The following LMBRD2 variants were observed in gnomAD, a reference collection of about 807,000 sequenced individuals.
LMBRD2 encodes the protein LMBR1 domain containing 2.
A neutral mutation model predicts 94.4 loss-of-function variants in LMBRD2; 55 were observed. The ratio of observed to expected loss-of-function variants is 0.58; its 90% CI spans 0.47 to 0.73. The LOEUF (loss-of-function observed/expected upper bound fraction) is 0.73. Ranked by LOEUF, LMBRD2 falls within the 30% of genes least tolerant of loss-of-function variation. The probability of loss-of-function intolerance (pLI) is 0.00; values close to 1 mark genes in which losing one functional copy is unlikely to be tolerated. For synonymous variants in LMBRD2, 246 were observed against 272.4 expected, an observed-to-expected ratio of 0.90 and a Z score of 0.95; for missense variants, 640 against 831.9, an observed-to-expected ratio of 0.77 and a Z score of 2.84.
chr5:36,137,039 A>G (rs1744288195), intron 5 of LMBRD2, among the ~76,000 whole-genome samples: 1 of 152,170 alleles, frequency 6.6e-6, no homozygotes, highest in African/African-American at 2.4e-5. Context: ...TACTTTTAAT[A>G]TATAGCCATT....
At chr5:36,139,250 A>C (rs1744345534) in intron 4 of LMBRD2, among the ~76,000 whole-genome samples, 1 of 152,220 alleles carries the variant, frequency 6.6e-6, no homozygotes, top group African/African-American at 2.4e-5. Flanking sequence ...ACACATGCTC[A>C]GGGCAGCACT....
intron 13 of LMBRD2, among the ~76,000 whole-genome samples, chr5:36,112,577 T>C (rs1743637676): frequency 6.6e-6 from 1 of 152,166 alleles, no homozygotes; most frequent in Non-Finnish European, 1.5e-5. Context: ...AATCCGAAAA[T>C]TAAGGAATAC....
In LMBRD2 at chr5:36,151,461, A is replaced by G. The variant is rs188648262; in HGVS notation, c.-58+95T>C. The G allele has an allele frequency of 4.3e-3, 658 of 152,256 alleles. 3 individuals carry two copies. The highest frequency in any genetic ancestry group is 6.6e-3 in the Non-Finnish European group (452 of 68,054). The allele number at this position is 152,256 out of a possible 1,614,324, so 9.4% of individuals were successfully genotyped here. ...GATAAAGGAAGGATCCCGTCCACAG[A>G]CCCAATTCTTAGGGCCGCCTTCTCC... On this transcript the variant is annotated intron_variant, in intron 1 of 17. Transcript: ENST00000296603. This position sits in a 1 kb window ranked among gnomAD's most constrained non-coding sequence, Gnocchi z 4.7.
At chr5:36,106,507 TCG>T (rs1491441423) in intron 16 of LMBRD2, among the ~76,000 whole-genome samples, 21 of 125,262 alleles carry the variant, frequency 1.7e-4, no homozygotes, top group South Asian at 2.6e-4. Flanking sequence ...TTTTTTTCTT[TCG>T]TTTTTTTTTT....
rs116720542 is a variant in LMBRD2 at position 36,130,245 on chromosome 5, T to C, written c.748-5980A>G. Among the ~76,000 whole-genome samples, 5 of 152,134 alleles carry C rather than the reference T, an allele frequency of 3.3e-5. No individual in the cohort carries two copies. In the South Asian group the frequency reaches 6.2e-4, roughly 19 times the overall value. On this transcript the variant is annotated intron_variant, in intron 6 of 17. Transcript: ENST00000296603. ...ACAACTTTTTAAGACACAGATAGTA[T>C]AATAATACATAAATAGAAATAACAA...
At chr5:36,119,032 A>T (rs1581048376) in intron 9 of LMBRD2, among the ~76,000 whole-genome samples, 1 of 152,274 alleles carries the variant, frequency 6.6e-6, no homozygotes, top group East Asian at 1.9e-4. Context: ...ATAAATAAAA[A>T]TTTAAAAAAG....
At chr5:36,107,164 A>C (rs1196003298) in intron 16 of LMBRD2, among the ~76,000 whole-genome samples, 1 of 152,140 alleles carries the variant, frequency 6.6e-6, no homozygotes, top group East Asian at 1.9e-4. Context: ...ATAGTCTGTA[A>C]TTAAAATATT....
intron 7 of LMBRD2, among the ~76,000 whole-genome samples, chr5:36,123,660 T>C (rs1743939171): frequency 6.6e-6 from 1 of 151,258 alleles, no homozygotes; most frequent in African/African-American, 2.4e-5. Flanking sequence ...TCAATACCAA[T>C]GCATCAAAAC....
At position 36,101,176 on chromosome 5, in the gene LMBRD2, G is replaced by C. The variant is rs1203139574; in HGVS notation, c.*2870C>G. The C allele has an allele frequency of 2.6e-5, 4 of 151,894 alleles. No individual in the cohort carries two copies. Among genetic ancestry groups the C allele is most frequent in the African/African-American group, 9.7e-5 (4 of 41,420 alleles). The allele number at this position is 151,894 out of a possible 1,614,324, so 9.4% of individuals were successfully genotyped here. A position where few individuals can be genotyped will look rare whatever the true frequency, so the allele number is the denominator to read the frequency against. On this transcript the variant is annotated 3_prime_UTR_variant, in exon 18 of 18. Transcript: ENST00000296603. The stretch of plus-strand genomic sequence containing the variant: ...GCCCTTGTATTCATTTGGTAAGAGA[G>C]CAAATTTTAATAATTAAACTTATTC...
chr5:36,122,789 T>C lies in LMBRD2; in HGVS notation c.936+59A>G, dbSNP rs1035126784. 24 of 1,522,924 alleles carry C rather than the reference T, an allele frequency of 1.6e-5. No individual in the cohort carries two copies. In the African/African-American group the frequency reaches 3.2e-4, roughly 20 times the overall value. 94.3% of individuals were successfully genotyped at this position (1,522,924 alleles called of 1,614,324 possible). On this transcript the variant is annotated intron_variant, in intron 8 of 17. Transcript: ENST00000296603. Reference sequence around the variant, plus strand: ...TAAAAATTCCTTTTTTTATGAGCAATGATTAGAAGTCTAATTAAAATCATC... The same window carrying C: ...TAAAAATTCCTTTTTTTATGAGCAACGATTAGAAGTCTAATTAAAATCATC...
intron 4 of LMBRD2, among the ~76,000 whole-genome samples, chr5:36,139,119 G>A (rs1040901014): frequency 1.3e-5 from 2 of 152,178 alleles, no homozygotes; most frequent in Non-Finnish European, 2.9e-5. Flanking sequence ...CTGCACTTTC[G>A]GGGACCCAGA....
At chr5:36,145,535 T>A (rs977269604) in intron 1 of LMBRD2, among the ~76,000 whole-genome samples, 20 of 152,262 alleles carry the variant, frequency 1.3e-4, no homozygotes, top group African/African-American at 4.8e-4. Flanking sequence ...AAATCTTATT[T>A]TTAAGCTAAG....
At chr5:36,118,413 T>G (rs780260408) in intron 9 of LMBRD2, among the ~76,000 whole-genome samples, 6 of 152,106 alleles carry the variant, frequency 3.9e-5, no homozygotes, top group Non-Finnish European at 8.8e-5. Flanking sequence ...TAAATAATGG[T>G]AGAGTATAAA....
chr5:36,122,827 A>G, intron 8 of LMBRD2, 21 bp downstream of exon 8: 1 of 1,584,890 alleles, frequency 6.3e-7, no homozygotes, highest in Non-Finnish European at 8.5e-7. Flanking sequence ...TAAGTAAAAT[A>G]CTTATAATTA....
intron 1 of LMBRD2, among the ~76,000 whole-genome samples, chr5:36,143,895 A>G (rs536510191): frequency 6.6e-6 from 1 of 152,014 alleles, no homozygotes; most frequent in Admixed American, 6.5e-5. Flanking sequence ...GAGACCATTT[A>G]AAAGTAACCT....
rs770143566 is a variant in LMBRD2, at chr5:36,102,485, T to C, written c.*1561A>G. 1 of 151,818 alleles carries C rather than the reference T, an allele frequency of 6.6e-6. No homozygotes were observed. The highest frequency in any genetic ancestry group is 1.5e-5 in the Non-Finnish European group (1 of 67,786). 9.4% of individuals were successfully genotyped at this position (151,818 alleles called of 1,614,324 possible). A position where few individuals can be genotyped will look rare whatever the true frequency, so the allele number is the denominator to read the frequency against. ...GACTGTATGTGTGTGTTCTTAAGTG[T>C]AGTCTATATGACCTTCAATTCAGAG... On this transcript the variant is annotated 3_prime_UTR_variant, in exon 18 of 18. Transcript: ENST00000296603.
intron 6 of LMBRD2, among the ~76,000 whole-genome samples, chr5:36,130,330 A>G (rs1744122868): frequency 2.0e-5 from 3 of 152,134 alleles, no homozygotes; most frequent in Admixed American, 6.5e-5. Context: ...TTCTCTGTTT[A>G]TTTTTGCAAT....
chr5:36,142,549 C>G lies in LMBRD2; in HGVS notation c.225G>C (p.Glu75Asp). 2 of 1,611,428 alleles carry G rather than the reference C, an allele frequency of 1.2e-6. No homozygotes were observed. The highest frequency in any genetic ancestry group is 1.7e-6 in the Non-Finnish European group (2 of 1,177,730). Residue 75 changes from glutamate to aspartate, a missense_variant, in exon 3 of 18, where the codon GAG becomes GAC. By Grantham distance (45) the Glu-to-Asp change is conservative (BLOSUM62 2). Around this residue, in one of 2 missense-constraint regions of LMBRD2, gnomAD observed 457 missense variants for 642.8 expected, o/e 0.71. Coordinates refer to ENST00000296603, the MANE Select transcript of LMBRD2 (RefSeq NM_001007527.2). The stretch of plus-strand genomic sequence containing the variant: ...CGTACAATCCTGTAATGTTGCTATT[C>G]TCAGGAGGGCTTGAATTTGCAGCAG... ...KHAAANSSPPENSNITGLYAT... is the reference protein window; with the variant it reads ...KHAAANSSPPDNSNITGLYAT...
At chr5:36,126,725 A>T (rs1217745416) in intron 6 of LMBRD2, among the ~76,000 whole-genome samples, 1 of 152,016 alleles carries the variant, frequency 6.6e-6, no homozygotes. Flanking sequence ...TATCAATTTC[A>T]GAGAGAAACA....
Sources: allele counts gnomAD v4.1 joint callset (sites outside exome capture counted in the v4.1 genomes callset), GRCh38; gene constraint gnomAD v4.1.1; regional missense constraint gnomAD v4.1.1; non-coding constraint Gnocchi (gnomAD v3.1); transcripts MANE v1.5; gene names NCBI Gene and HGNC (gene_info 2026-07-23, HGNC 2026-07-21).